PKMYT1: variants seen among roughly 807,000 people sequenced by gnomAD.
PKMYT1 encodes the protein protein kinase, membrane associated tyrosine/threonine 1.
In PKMYT1, 35 loss-of-function variants were observed where a neutral mutation model predicts 49.7. The ratio of observed to expected loss-of-function variants is 0.70; its 90% CI spans 0.54 to 0.93. The LOEUF is 0.93. PKMYT1 is among the 40% of genes least tolerant of loss of function. PKMYT1 has a pLI of 0.00. For synonymous variants in PKMYT1, 331 were observed against 287.6 expected (o/e 1.15, Z -1.53); for missense variants, 677 against 673.1 (o/e 1.01, Z -0.06).
chr16:2,973,091 G>A, intron 8 of PKMYT1, 27 bp from the exon 9 acceptor site: 1 of 1,577,124 alleles, frequency 6.3e-7, no homozygotes, highest in Non-Finnish European at 8.6e-7. Context: ...GTGACACTCA[G>A]GATCCAAAAG....
At chr16:2,980,010 A>C (rs2072298900) in intron 1 of PKMYT1, 98 bp from the exon 2 acceptor site, 1 of 338,944 alleles carries the variant, frequency 3.0e-6, no homozygotes. Context: ...CGGAGGAAGG[A>C]CTGTCACGGG....
In PKMYT1 at chr16:2,975,792, G is replaced by A. The variant is rs749905168; in HGVS notation, c.399C>T (p.Gly133=). 5.0e-6 allele frequency: 8 copies of A among 1,595,932 alleles called. No individual in the cohort carries two copies. Among genetic ancestry groups the A allele is most frequent in the Non-Finnish European group, 6.8e-6 (8 of 1,177,516 alleles). ...TGGAACGCTTTACCGCATAGAGCCG[G>A]CCGTCCTCCTTGGAGCGCACCTGGA... is the stretch of plus-strand genomic sequence containing the variant. ...EVFKVRSKED[G]RLYAVKRSMS... The change falls in exon 4 of 9, where the codon GGC becomes GGT. Residue 133 remains glycine, a synonymous_variant. Coordinates refer to ENST00000262300, the MANE Select transcript of PKMYT1 (RefSeq NM_004203.5).
Position 2,977,572 on chromosome 16 carries a change from A to G in PKMYT1, c.11-541T>C, listed in dbSNP as rs4149777. ...CTGCCCCAGTGAAACAGCACAACTG[A>G]TGACGATTATTCAAAAGCAAGCACT... On this transcript the variant is annotated intron_variant, in intron 2 of 8. Coordinates refer to ENST00000262300, the MANE Select transcript of PKMYT1 (RefSeq NM_004203.5). The G allele has an allele frequency of 4.2e-4, 339 of 810,806 alleles. No individual in the cohort carries two copies. In the South Asian group the frequency reaches 7.1e-3, roughly 17 times the overall value. The allele number at this position is 810,806 out of a possible 1,614,324, so 50.2% of individuals were successfully genotyped here. A position where few individuals can be genotyped will look rare whatever the true frequency, so the allele number is the denominator to read the frequency against.
rs773963194 is a variant in PKMYT1 at position 2,974,304 on chromosome 16, AG to A, written c.1092del (p.Trp365GlyfsTer12). 3.1e-5 allele frequency: 50 copies of A among 1,592,316 alleles called. No homozygotes were observed. Among genetic ancestry groups the A allele is most frequent in the Non-Finnish European group, 4.2e-5 (49 of 1,170,098 alleles). On this transcript the variant is annotated frameshift_variant, in exon 6 of 9. Transcript: ENST00000262300. LOFTEE classifies it high-confidence loss of function. ...LALPVLRQPR[A>X]WGVLWCMAAE... ...GCTGCCATGCACCACAGCACACCCC[AG>A]GCCCGCGGCTGCCTCAACACAGGCA...
chr16:2,974,124 C>A lies in PKMYT1; in HGVS notation c.1186G>T (p.Gly396Trp), dbSNP rs2072105325. 1 of 1,605,006 alleles carries A rather than the reference C, an allele frequency of 6.2e-7. No individual in the cohort carries two copies. Among genetic ancestry groups the A allele is most frequent in the South Asian group, 1.1e-5 (1 of 89,826 alleles). The stretch of plus-strand genomic sequence containing the variant: ...AGCCAGCTGGCAGGGTGAGCCAGCC[C>A]ATGCCAGAGCCAGCAGAGCAGGGCA... ...LLALLCWLWH[G>W]LAHPASWLQP... The change falls in exon 7 of 9, where the codon GGG becomes TGG. Residue 396 changes from glycine to tryptophan, a missense_variant. Gly to Trp is a radical substitution (Grantham distance 184). Coordinates refer to ENST00000262300, the MANE Select transcript of PKMYT1 (RefSeq NM_004203.5).
At chr16:2,977,510 A>G in intron 2 of PKMYT1, 1 of 991,536 alleles carries the variant, frequency 1.0e-6, no homozygotes, top group East Asian at 1.1e-4. Flanking sequence ...AGTGGTGTCC[A>G]CTTCCAGAAT....
In PKMYT1 at chr16:2,973,221, G is replaced by A. The variant is rs1484468660; in HGVS notation, c.1311-6C>T. 6.7e-7 allele frequency: 1 copy of A among 1,494,592 alleles called. No individual in the cohort carries two copies. The highest frequency in any genetic ancestry group is 2.4e-5 in the Admixed American group (1 of 42,550). The allele number at this position is 1,494,592 out of a possible 1,614,324, so 92.6% of individuals were successfully genotyped here. ...CCTCAGGGGAGAGTGAAGGCCTGCA[G>A]GAGGGCAGGCGAGACAAGGAGGGTG... On this transcript the variant is annotated splice_polypyrimidine_tract_variant and splice_region_variant and intron_variant, in intron 7 of 8. Coordinates refer to ENST00000262300, the MANE Select transcript of PKMYT1 (RefSeq NM_004203.5).
At position 2,977,033 on chromosome 16, in the gene PKMYT1, T is replaced by C. The variant is rs1355554061; in HGVS notation, c.11-2A>G. 2 of 1,588,806 alleles carry C rather than the reference T, an allele frequency of 1.3e-6. No homozygotes were observed. Among genetic ancestry groups the C allele is most frequent in the African/African-American group, 2.7e-5 (2 of 74,688 alleles). On this transcript the variant is annotated splice_acceptor_variant, in intron 2 of 8. Coordinates refer to ENST00000262300, the MANE Select transcript of PKMYT1 (RefSeq NM_004203.5). LOFTEE classifies it high-confidence loss of function. Reference sequence around the variant, plus strand: ...TGGGCATGGCCAGTGCAGGAGGCCCTGGGGGCAGAGACAGAGGCTGAGTAC... The same window carrying C: ...TGGGCATGGCCAGTGCAGGAGGCCCCGGGGGCAGAGACAGAGGCTGAGTAC...
rs1481664581 is a variant in PKMYT1 at position 2,972,927 on chromosome 16, A to G, written c.*26T>C. On this transcript the variant is annotated 3_prime_UTR_variant, in exon 9 of 9. Transcript: ENST00000262300. Reference sequence around the variant, plus strand: ...CGGGAGAGACACAGGATAAAAGGTTAAAAGTGCAGAGGCAGAGTCTGGGGC... The same window carrying G: ...CGGGAGAGACACAGGATAAAAGGTTGAAAGTGCAGAGGCAGAGTCTGGGGC... 1.9e-6 allele frequency: 3 copies of G among 1,582,052 alleles called. No homozygotes were observed. Among genetic ancestry groups the G allele is most frequent in the Admixed American group, 3.7e-5 (2 of 54,172 alleles).
Position 2,976,904 on chromosome 16 carries a change from C to G in PKMYT1, c.138G>C (p.Gly46=). The change falls in exon 3 of 9, where the codon GGG becomes GGC. Residue 46 remains glycine, a synonymous_variant. Transcript: ENST00000262300. ...GCGGAGGTGGGAGGCTCCGGCTGAG[C>G]CCCCTGGGCCTCTTGAGGGAGAATC... The part of the protein sequence containing the change: ...EPGFSLKRPR[G]LSRSLPPPPP... 1 of 1,536,770 alleles carries G rather than the reference C, an allele frequency of 6.5e-7. No individual in the cohort carries two copies. The highest frequency in any genetic ancestry group is 8.8e-7 in the Non-Finnish European group (1 of 1,135,894).
intron 3 of PKMYT1, 159 bp from the exon 4 acceptor site, chr16:2,975,971 A>C: frequency 1.1e-5 from 8 of 747,338 alleles, no homozygotes; most frequent in Non-Finnish European, 1.5e-5. Context: ...TAATAACAAA[A>C]CCAGACAAAC....
At position 2,979,647 on chromosome 16, in the gene PKMYT1, C is replaced by CTA; in HGVS notation, c.10_10+1insTA (p.Arg4LeufsTer19). ...CCCACCGTCCCTGCCCTACGACTTA[C>CTA]GTTCTAGCATGACTGGCCTGGCCCA... On this transcript the variant is annotated frameshift_variant and splice_region_variant. Coordinates refer to ENST00000262300, the MANE Select transcript of PKMYT1 (RefSeq NM_004203.5). LOFTEE classifies it high-confidence loss of function. 2 of 1,612,794 alleles carry CTA rather than the reference C, an allele frequency of 1.2e-6. No individual in the cohort carries two copies. Among genetic ancestry groups the CTA allele is most frequent in the Non-Finnish European group, 1.7e-6 (2 of 1,178,808 alleles).
At chr16:2,976,116 C>T (rs1312913638) in intron 3 of PKMYT1, 2 of 389,056 alleles carry the variant, frequency 5.1e-6, no homozygotes, top group African/African-American at 4.1e-5. Context: ...GCAGCCCAGG[C>T]TGTGGTGTGA....
chr16:2,974,768 C>T, intron 4 of PKMYT1, 112 bp from the exon 5 acceptor site: 1 of 680,074 alleles, frequency 1.5e-6, no homozygotes, highest in Admixed American at 2.5e-5. Context: ...CTTCATCAGT[C>T]AGGGAGGGGC....
At chr16:2,979,571 C>T in intron 2 of PKMYT1, 77 bp downstream of exon 2, 71 of 1,237,314 alleles carry the variant, frequency 5.7e-5, no homozygotes, top group Non-Finnish European at 8.4e-5. Flanking sequence ...GCCTCCAGGC[C>T]CAACCCTGGC....
chr16:2,973,745 G>T, intron 7 of PKMYT1: 2 of 580,546 alleles, frequency 3.4e-6, no homozygotes, highest in Non-Finnish European at 6.1e-6. Flanking sequence ...CTCCACTGGG[G>T]TCGGGGCTGC....
Position 2,974,012 on chromosome 16 carries a change from T to C in PKMYT1, c.1298A>G (p.Asp433Gly). The change falls in exon 7 of 9, where the codon GAC (aspartate) becomes GGC (glycine). Residue 433 changes from aspartate to glycine, a missense_variant. Physicochemically the swap from Asp to Gly is moderately conservative, Grantham distance 94 (BLOSUM62 -1). Coordinates refer to ENST00000262300, the MANE Select transcript of PKMYT1 (RefSeq NM_004203.5). ...LDSSLSSNWD[D>G]DSLGPSLSPE... ...CACTTGAACCCACCCTAGGCTGTCG[T>C]CATCCCAGTTGCTGGAGAGGCTGCT... 3.1e-6 allele frequency: 5 copies of C among 1,612,768 alleles called. No homozygotes were observed. Among genetic ancestry groups the C allele is most frequent in the Non-Finnish European group, 4.2e-6 (5 of 1,179,874 alleles).
rs762764240 is a variant in PKMYT1, at chr16:2,974,007, TGTC to T, written c.1300_1302del (p.Asp434del). 6.2e-7 allele frequency: 1 copy of T among 1,612,680 alleles called. No homozygotes were observed. Among genetic ancestry groups the T allele is most frequent in the South Asian group, 1.1e-5 (1 of 91,030 alleles). The stretch of plus-strand genomic sequence containing the variant: ...CCCTGCACTTGAACCCACCCTAGGC[TGTC>T]GTCATCCCAGTTGCTGGAGAGGCTG... On this transcript the variant is annotated inframe_deletion, in exon 7 of 9. Transcript: ENST00000262300.
chr16:2,980,432 G>C lies in PKMYT1; in HGVS notation c.-402C>G, dbSNP rs984628141. 1 of 152,308 alleles carries C rather than the reference G, an allele frequency of 6.6e-6. No individual in the cohort carries two copies. Among genetic ancestry groups the C allele is most frequent in the South Asian group, 2.1e-4 (1 of 4,850 alleles). The allele number at this position is 152,308 out of a possible 1,614,324, so 9.4% of individuals were successfully genotyped here. A position where few individuals can be genotyped will look rare whatever the true frequency, so the allele number is the denominator to read the frequency against. ...GCGGAGGACTCCCGTGAGGGGGAAC[G>C]GCCCGTGAACGCGCGCGGAGCTGCT... On this transcript the variant is annotated 5_prime_UTR_variant, in exon 1 of 9. Transcript: ENST00000262300.
Sources: allele counts gnomAD v4.1 joint callset, GRCh38; gene constraint gnomAD v4.1.1; transcripts MANE v1.5; gene names NCBI Gene and HGNC (gene_info 2026-07-23, HGNC 2026-07-21).